The following KPNA7 variants were observed in gnomAD, a reference collection of about 807,000 sequenced individuals.
KPNA7 encodes karyopherin subunit alpha 7.
In KPNA7, 54 loss-of-function variants were observed where a neutral mutation model predicts 53.7. The ratio of observed to expected loss-of-function variants is 1.01; its 90% CI spans 0.81 to 1.26. KPNA7 has a LOEUF of 1.26. Among genes scored for constraint, KPNA7 ranks in the 50% most tolerant of loss-of-function variants. The pLI, the probability that KPNA7 is intolerant of heterozygous loss-of-function variation, is 0.00. For missense variants in KPNA7, 640 were observed against 644.5 expected (o/e 0.99, Z 0.07); for synonymous variants, 276 against 259.3 (o/e 1.06, Z -0.62).
At chr7:99,163,359 G>GTGTGTATATATATATATATATATATA in the KPNA7 span, among the ~76,000 whole-genome samples, 1 of 66,420 alleles carries the variant, frequency 1.5e-5, no homozygotes, top group Non-Finnish European at 2.7e-5. Flanking sequence ...ATGAGTGTGT[G>GTGTGTATATATATATATATATATATA]TATATATATA....
the KPNA7 span, among the ~76,000 whole-genome samples, chr7:99,156,056 T>C: frequency 6.6e-6 from 1 of 152,136 alleles, no homozygotes; most frequent in African/African-American, 2.4e-5. Context: ...TCAATTCTCA[T>C]CTCGGGATTG....
At chr7:99,213,453 AAAAAG>A (rs1791127190) in intron 1 of KPNA7, among the ~76,000 whole-genome samples, 1 of 143,600 alleles carries the variant, frequency 7.0e-6, no homozygotes, top group South Asian at 2.2e-4. Context: ...AAAAAAAAAA[AAAAAG>A]AGAGAGAGAC....
chr7:99,216,851 CAT>C (rs1429700992), intron 1 of KPNA7, among the ~76,000 whole-genome samples: 1 of 152,210 alleles, frequency 6.6e-6, no homozygotes, highest in African/African-American at 2.4e-5. Context: ...CATGAGCCAC[CAT>C]GCCCAGCCAC....
At chr7:99,148,729 C>T in the KPNA7 span, among the ~76,000 whole-genome samples, 3 of 152,006 alleles carry the variant, frequency 2.0e-5, no homozygotes. Flanking sequence ...GTACCTGGGA[C>T]TACAGGCATG....
intron 6 of KPNA7, among the ~76,000 whole-genome samples, chr7:99,192,699 A>G (rs924463849): frequency 1.3e-5 from 2 of 152,180 alleles, no homozygotes; most frequent in Admixed American, 1.3e-4. Flanking sequence ...ATGAGCCACC[A>G]TGCCCAGTCT....
chr7:99,189,116 A>G (rs185151334), intron 6 of KPNA7, among the ~76,000 whole-genome samples: 2 of 152,222 alleles, frequency 1.3e-5, no homozygotes, highest in African/African-American at 4.8e-5. Context: ...GTCCTTTCCC[A>G]TTTGATTGAT....
At position 99,184,154 on chromosome 7, in the gene KPNA7, C is replaced by CTT. The variant is rs34193595; in HGVS notation, c.1134+773_1134+774dup. On this transcript the variant is annotated intron_variant, in intron 8 of 10. Coordinates refer to ENST00000327442, the MANE Select transcript of KPNA7 (RefSeq NM_001145715.3). ...ATAAGCCACTGTGCCTGCCCACAAC[C>CTT]TTTTTTTTTTTTTTTTTTGAGACAG... 3.3e-3 allele frequency among the ~76,000 whole-genome samples: 414 copies of CTT among 125,182 alleles called. 6 individuals are homozygous for CTT. The highest frequency in any genetic ancestry group is 6.1e-3 in the East Asian group (26 of 4,272). The allele number at this position is 125,182 out of a possible 152,430, so 82.1% of individuals were successfully genotyped here. A position where few individuals can be genotyped will look rare whatever the true frequency, so the allele number is the denominator to read the frequency against.
At chr7:99,164,110 C>T in the KPNA7 span, among the ~76,000 whole-genome samples, 2 of 149,814 alleles carry the variant, frequency 1.3e-5, no homozygotes, top group Admixed American at 6.8e-5. Context: ...ACTGGAAATA[C>T]CATTTGACCC....
the KPNA7 span, among the ~76,000 whole-genome samples, chr7:99,162,479 C>T: frequency 6.6e-6 from 1 of 152,184 alleles, no homozygotes; most frequent in Non-Finnish European, 1.5e-5. Flanking sequence ...CCTCACCAGT[C>T]GTCCCAACTC....
At chr7:99,212,989 C>T (rs4727428), upstream of KPNA7, among the ~76,000 whole-genome samples, 98,029 of 151,938 alleles carry the variant, frequency 0.65, 35,632 homozygotes, top group Non-Finnish European at 0.81. Context: ...TAACCAATGT[C>T]AAGAGGATCA....
rs1408934145 is a variant in KPNA7 at position 99,193,114 on chromosome 7, C to T, written c.554-13G>A. On this transcript the variant is annotated splice_polypyrimidine_tract_variant and intron_variant, in intron 5 of 10. Transcript: ENST00000327442. ...TCTGGGCCATCACCTACAAATAGAG[C>T]AGAATGTGACATTTAGAGAGAGAAC... 7.0e-7 allele frequency: 1 copy of T among 1,426,130 alleles called. No individual in the cohort carries two copies. The highest frequency in any genetic ancestry group is 9.3e-7 in the Non-Finnish European group (1 of 1,078,640). The allele number at this position is 1,426,130 out of a possible 1,614,324, so 88.3% of individuals were successfully genotyped here.
At chr7:99,208,295 A>C (rs536825882), upstream of KPNA7, among the ~76,000 whole-genome samples, 2 of 151,900 alleles carry the variant, frequency 1.3e-5, no homozygotes, top group African/African-American at 4.8e-5. Flanking sequence ...TCACTCTGTC[A>C]CCCAGGCTGG....
chr7:99,156,231 CTT>C, the KPNA7 span, among the ~76,000 whole-genome samples: 2 of 151,988 alleles, frequency 1.3e-5, no homozygotes, highest in Admixed American at 1.3e-4. Context: ...AATATGATGT[CTT>C]ATATGGCTAT....
intron 9 of KPNA7, among the ~76,000 whole-genome samples, chr7:99,180,272 C>CG (rs1394090253): frequency 1.3e-5 from 2 of 152,048 alleles, no homozygotes; most frequent in Non-Finnish European, 2.9e-5. Context: ...GAGGCTGAGG[C>CG]GGGAGGATGA....
At chr7:99,167,993 A>T in the KPNA7 span, among the ~76,000 whole-genome samples, 1 of 134,802 alleles carries the variant, frequency 7.4e-6, no homozygotes, top group Non-Finnish European at 1.6e-5. Context: ...CCCCACCCCC[A>T]CACCCCTCTA....
chr7:99,194,627 A>C (rs892706452), intron 5 of KPNA7, among the ~76,000 whole-genome samples: 1 of 152,178 alleles, frequency 6.6e-6, no homozygotes, highest in African/African-American at 2.4e-5. Flanking sequence ...GTTTTGAGAC[A>C]GAATCTCCCT....
intron 3 of KPNA7, among the ~76,000 whole-genome samples, chr7:99,199,310 G>A (rs1215534652): frequency 6.6e-6 from 1 of 151,032 alleles, no homozygotes; most frequent in Non-Finnish European, 1.5e-5. Flanking sequence ...TTGAAAAAAA[G>A]AACAAAGCTG....
At chr7:99,175,334 C>T (rs530708742) in intron 10 of KPNA7, among the ~76,000 whole-genome samples, 2 of 152,074 alleles carry the variant, frequency 1.3e-5, no homozygotes, top group Non-Finnish European at 2.9e-5. Context: ...CATGCCATTA[C>T]ACCTGGCTAA....
intron 8 of KPNA7, among the ~76,000 whole-genome samples, chr7:99,183,220 C>G (rs770555424): frequency 2.6e-5 from 4 of 152,030 alleles, no homozygotes; most frequent in African/African-American, 7.2e-5. Flanking sequence ...CCACTGCACT[C>G]CAGTCTGGGT....
Sources: allele counts gnomAD v4.1 joint callset (sites outside exome capture counted in the v4.1 genomes callset), GRCh38; gene constraint gnomAD v4.1.1; transcripts MANE v1.5; gene names NCBI Gene and HGNC (gene_info 2026-07-23, HGNC 2026-07-21).